Variants in PDSS2 observed in about 807,000 individuals in gnomAD.
The protein encoded by PDSS2 is all trans-polyprenyl-diphosphate synthase PDSS2.
In PDSS2, 31 loss-of-function variants were observed where a neutral mutation model predicts 44.5. The ratio of observed to expected loss-of-function variants is 0.70; its 90% CI spans 0.52 to 0.94. PDSS2 has a LOEUF of 0.94. Ranked by LOEUF, PDSS2 falls within the 40% of genes least tolerant of loss-of-function variation. The probability of loss-of-function intolerance (pLI) is 0.00; values close to 1 mark genes in which losing one functional copy is unlikely to be tolerated. For missense variants in PDSS2, 452 were observed against 482.2 expected, an observed-to-expected ratio of 0.94 and a Z score of 0.59; for synonymous variants, 157 against 180.3, an observed-to-expected ratio of 0.87 and a Z score of 1.03.
intron 1 of PDSS2, among the ~76,000 whole-genome samples, chr6:107,368,403 G>A (rs992662582): frequency 2.6e-5 from 4 of 151,978 alleles, no homozygotes; most frequent in East Asian, 1.9e-4. Flanking sequence ...GCTGAAAACC[G>A]CAAAACTTTA....
chr6:107,404,595 A>G (rs1360310751), intron 1 of PDSS2, among the ~76,000 whole-genome samples: 3 of 152,226 alleles, frequency 2.0e-5, no homozygotes, highest in Non-Finnish European at 2.9e-5. Flanking sequence ...CGTCTTACAT[A>G]GCAGCAGGCA....
chr6:107,306,060 A>C (rs549729923), intron 2 of PDSS2, among the ~76,000 whole-genome samples: 1 of 152,338 alleles, frequency 6.6e-6, no homozygotes, highest in Non-Finnish European at 1.5e-5. Context: ...AAAGAGGACA[A>C]GTACCCCAAG....
At chr6:107,313,206 T>C (rs1172038020) in intron 2 of PDSS2, among the ~76,000 whole-genome samples, 1 of 152,210 alleles carries the variant, frequency 6.6e-6, no homozygotes, top group Non-Finnish European at 1.5e-5. Flanking sequence ...TAATGAATTG[T>C]AGCATATAAA....
At chr6:107,256,510 ACATCC>A (rs1775027401) in intron 3 of PDSS2, among the ~76,000 whole-genome samples, 3 of 152,182 alleles carry the variant, frequency 2.0e-5, no homozygotes, top group Non-Finnish European at 4.4e-5. Context: ...TAATTCAGAG[ACATCC>A]CAAGGTTTGT....
At chr6:107,181,533 C>CA (rs199867474) in intron 7 of PDSS2, among the ~76,000 whole-genome samples, 13,776 of 107,674 alleles carry the variant, frequency 0.13, 1,016 homozygotes, top group Middle Eastern at 0.27. Flanking sequence ...ATCTCTGTCT[C>CA]AAAAAAAAAA....
intron 6 of PDSS2, among the ~76,000 whole-genome samples, chr6:107,201,059 G>C (rs1430546088): frequency 6.6e-6 from 1 of 152,018 alleles, no homozygotes; most frequent in Non-Finnish European, 1.5e-5. Flanking sequence ...CAGCAGTCCT[G>C]AACCTCTTCC....
At chr6:107,313,847 ATAAAGT>A (rs1379887410) in intron 2 of PDSS2, among the ~76,000 whole-genome samples, 2 of 152,178 alleles carry the variant, frequency 1.3e-5, no homozygotes, top group Non-Finnish European at 2.9e-5. Context: ...CAAAATGAAA[ATAAAGT>A]TAAAGAAAAC....
At chr6:107,361,494 A>G (rs1778770634) in intron 1 of PDSS2, among the ~76,000 whole-genome samples, 1 of 152,184 alleles carries the variant, frequency 6.6e-6, no homozygotes, top group Admixed American at 6.5e-5. Flanking sequence ...CAGGGTTGAC[A>G]TTTTCTACTT....
At chr6:107,160,958 G>A (rs1771104074) in intron 7 of PDSS2, among the ~76,000 whole-genome samples, 1 of 151,252 alleles carries the variant, frequency 6.6e-6, no homozygotes, top group Non-Finnish European at 1.5e-5. Context: ...GGCTGGTCTC[G>A]AACTCCTGAC....
chr6:107,346,298 G>A (rs1277884611), intron 1 of PDSS2, among the ~76,000 whole-genome samples: 2 of 152,278 alleles, frequency 1.3e-5, no homozygotes, highest in East Asian at 3.9e-4. Flanking sequence ...AGGGGCAACT[G>A]TTTCATTTAC....
intron 3 of PDSS2, among the ~76,000 whole-genome samples, chr6:107,266,077 T>G (rs1249409589): frequency 6.6e-6 from 1 of 152,230 alleles, no homozygotes. Flanking sequence ...GGAGCTCATT[T>G]GATAAAATAA....
At chr6:107,414,753 T>C (rs1413491837) in intron 1 of PDSS2, among the ~76,000 whole-genome samples, 2 of 152,166 alleles carry the variant, frequency 1.3e-5, no homozygotes, top group Non-Finnish European at 2.9e-5. Flanking sequence ...CCAGTCCTTG[T>C]TAACATTCAC....
rs117024468 is a variant in PDSS2, at chr6:107,380,098, T to C, written c.297-45766A>G. Among the ~76,000 whole-genome samples, 1,000 of 152,260 alleles carry C rather than the reference T, an allele frequency of 6.6e-3. 7 individuals are homozygous for C. The highest frequency in any genetic ancestry group is 0.014 in the Middle Eastern group (4 of 294). ...CTAGGAGTTGGCCTGTGTTTAAAGT[T>C]TGTTGTAGCTGTAGGTGTCAGAGGC... On this transcript the variant is annotated intron_variant, in intron 1 of 7. Transcript: ENST00000369037.
intron 1 of PDSS2, among the ~76,000 whole-genome samples, chr6:107,426,826 T>C (rs373120527): frequency 6.6e-6 from 1 of 152,116 alleles, no homozygotes; most frequent in East Asian, 1.9e-4. Flanking sequence ...TTTCTCCCAT[T>C]TGAAACAGCT....
intron 7 of PDSS2, among the ~76,000 whole-genome samples, chr6:107,169,439 C>T (rs375318355): frequency 1.3e-5 from 2 of 152,252 alleles, no homozygotes; most frequent in Non-Finnish European, 2.9e-5. Context: ...TCCTTTAGCT[C>T]GGAGAAGTCT....
chr6:107,171,858 A>G (rs563035464), intron 7 of PDSS2, among the ~76,000 whole-genome samples: 2 of 152,198 alleles, frequency 1.3e-5, no homozygotes, highest in East Asian at 1.9e-4. Flanking sequence ...GCCTTCATCT[A>G]CATTTTGAAT....
intron 2 of PDSS2, among the ~76,000 whole-genome samples, chr6:107,320,226 C>T (rs772459476): frequency 6.6e-6 from 1 of 152,124 alleles, no homozygotes. Flanking sequence ...TGTTTTGCGT[C>T]GCAGTTTGTT....
At chr6:107,193,773 A>G (rs368213411) in intron 7 of PDSS2, 49 bp downstream of exon 7, 5 of 1,109,576 alleles carry the variant, frequency 4.5e-6, no homozygotes, top group Non-Finnish European at 6.9e-6. Context: ...AAAGCCAAAC[A>G]CCAAATTGAA....
At chr6:107,331,140 T>C (rs906789015) in intron 2 of PDSS2, among the ~76,000 whole-genome samples, 2 of 152,182 alleles carry the variant, frequency 1.3e-5, no homozygotes, top group Admixed American at 1.3e-4. Context: ...AATAATTCAC[T>C]GTAGCATTAT....
Sources: gnomAD v4.1 joint callset for allele counts (sites outside exome capture counted in the v4.1 genomes callset) on GRCh38, gnomAD v4.1.1 for gene constraint, MANE v1.5 for transcripts, NCBI Gene and HGNC (gene_info 2026-07-23, HGNC 2026-07-21) for gene names.